Variants in MICAL1 observed in about 807,000 individuals in gnomAD.
The protein encoded by MICAL1 is [F-actin]-monooxygenase MICAL1.
In MICAL1, 95 loss-of-function variants were observed where a neutral mutation model predicts 131.8. That is an observed-to-expected ratio of 0.72 (90% CI 0.61 to 0.86). The LOEUF is 0.86. Among genes scored for constraint, MICAL1 ranks in the 40% least tolerant of loss-of-function variants. The pLI, the probability that MICAL1 is intolerant of heterozygous loss-of-function variation, is 0.00. For missense variants in MICAL1, 1,292 were observed against 1,380.6 expected (o/e 0.94, Z 1.02); for synonymous variants, 546 against 554.2 (o/e 0.99, Z 0.21).
chr6:109,454,556 C>T, intron 1 of MICAL1: 1 of 360,704 alleles, frequency 2.8e-6, no homozygotes, highest in Non-Finnish European at 5.2e-6. Context: ...AATTCTTAGC[C>T]TGCCTTCCTT....
At chr6:109,454,493 G>A (rs974246758) in intron 1 of MICAL1, among the ~76,000 whole-genome samples, 5 of 152,058 alleles carry the variant, frequency 3.3e-5, no homozygotes, top group African/African-American at 1.2e-4. Flanking sequence ...GGGACACCAG[G>A]GGAGCCTCCA....
chr6:109,454,354 GGCTCT>G, intron 1 of MICAL1, 115 bp from the exon 2 acceptor site: 4 of 1,019,930 alleles, frequency 3.9e-6, no homozygotes, highest in Non-Finnish European at 5.6e-6. Flanking sequence ...ACCAGTGATT[GGCTCT>G]GCTCCTCCCA....
At chr6:109,451,878 G>A in intron 6 of MICAL1, 178 bp from the exon 7 acceptor site, 1 of 1,406,540 alleles carries the variant, frequency 7.1e-7, no homozygotes, top group Non-Finnish European at 9.2e-7. Flanking sequence ...CCAGGCCCAG[G>A]AGGCCTGAGG....
At chr6:109,444,582 G>T in intron 24 of MICAL1, 143 bp downstream of exon 24, 1 of 1,082,766 alleles carries the variant, frequency 9.2e-7, no homozygotes, top group Non-Finnish European at 1.4e-6. Context: ...AAGGGGCTTT[G>T]GAGCCCCCTC....
Position 109,447,610 on chromosome 6 carries a change from T to C in MICAL1, c.1986+71A>G. On this transcript the variant is annotated intron_variant, in intron 15 of 24. Transcript: ENST00000358807. ...GGGGAACAAGACATGGGATGAGAAATAGGGAAGACAGTACCAGGAAAGGGG... is the reference window on the plus strand; with the variant it reads ...GGGGAACAAGACATGGGATGAGAAACAGGGAAGACAGTACCAGGAAAGGGG... 7 of 1,604,764 alleles carry C rather than the reference T, an allele frequency of 4.4e-6. No individual in the cohort carries two copies. In the South Asian group the frequency reaches 4.4e-5, roughly 10 times the overall value.
chr6:109,446,111 C>T, intron 19 of MICAL1, 25 bp downstream of exon 19: 2 of 1,438,280 alleles, frequency 1.4e-6, no homozygotes, highest in South Asian at 1.3e-5. Flanking sequence ...CACCCTGGGT[C>T]AGCACATCTG....
At chr6:109,450,189 C>T in intron 8 of MICAL1, 104 bp from the exon 9 acceptor site, 3 of 1,559,610 alleles carry the variant, frequency 1.9e-6, no homozygotes, top group Non-Finnish European at 2.6e-6. Flanking sequence ...ATCCCCACAC[C>T]AGGCAGCCCT....
At chr6:109,448,946 C>G in intron 11 of MICAL1, 67 bp from the exon 12 acceptor site, 1 of 1,587,666 alleles carries the variant, frequency 6.3e-7, no homozygotes. Context: ...GGGAGCCCAG[C>G]TGCTGCATGT....
upstream of MICAL1, among the ~76,000 whole-genome samples, chr6:109,458,537 G>A (rs1393782883): frequency 1.3e-5 from 2 of 152,066 alleles, no homozygotes; most frequent in Non-Finnish European, 2.9e-5. Flanking sequence ...TGGAGGTTGC[G>A]GTAAGCTGAG....
At chr6:109,456,043 C>G (rs2115343473), upstream of MICAL1, 1 of 986,108 alleles carries the variant, frequency 1.0e-6, no homozygotes, top group African/African-American at 1.7e-5. Flanking sequence ...ACACCCCGTT[C>G]CGCTCTGGGG....
In MICAL1 at chr6:109,450,470, C is replaced by T. The variant is rs1775493179; in HGVS notation, c.1021G>A (p.Ala341Thr). The change falls in exon 8 of 25, where the codon GCC becomes ACC. Residue 341 changes from alanine (A) to threonine (T), a missense_variant. Coordinates refer to ENST00000358807, the MANE Select transcript of MICAL1 (RefSeq NM_022765.4). ...QRFTRAAADF[A>T]THGKLGKLEF... Reference sequence around the variant, plus strand: ...AGTTTCCCGAGCTTGCCATGGGTGGCAAAGTCAGCAGCTGCCCGGGTAAAG... The same window carrying T: ...AGTTTCCCGAGCTTGCCATGGGTGGTAAAGTCAGCAGCTGCCCGGGTAAAG... 1 of 1,613,422 alleles carries T rather than the reference C, an allele frequency of 6.2e-7. No individual in the cohort carries two copies. Among genetic ancestry groups the T allele is most frequent in the African/African-American group, 1.3e-5 (1 of 75,048 alleles).
chr6:109,453,540 C>T (rs1327677711), intron 3 of MICAL1, 98 bp downstream of exon 3: 5 of 1,515,714 alleles, frequency 3.3e-6, no homozygotes, highest in Non-Finnish European at 4.4e-6. Flanking sequence ...TGATACGGAT[C>T]TTGTCCACTT....
At chr6:109,454,904 G>A (rs1775684828) in intron 1 of MICAL1, 1 of 152,574 alleles carries the variant, frequency 6.6e-6, no homozygotes, top group Admixed American at 6.5e-5. Context: ...GGGAACGGAG[G>A]CCTGGGTCTA....
intron 11 of MICAL1, 162 bp from the exon 12 acceptor site, chr6:109,449,041 C>A: frequency 2.2e-6 from 2 of 914,724 alleles, no homozygotes; most frequent in Non-Finnish European, 3.2e-6. Context: ...CTCTCCATCC[C>A]AATTCTCTTT....
rs201263593 is a variant in MICAL1 at position 109,452,218 on chromosome 6, G to A, written c.832+28C>T. ...GCCAGGCCACAGTCAGGCAGGGGGA[G>A]GGGAAATTCAGCAAGAGGGTCCCTG... is the stretch of plus-strand genomic sequence containing the variant. On this transcript the variant is annotated intron_variant, in intron 6 of 24. Coordinates refer to ENST00000358807, the MANE Select transcript of MICAL1 (RefSeq NM_022765.4). The A allele has an allele frequency of 8.9e-4, 1,412 of 1,595,240 alleles. 18 individuals are homozygous for A. The highest frequency in any genetic ancestry group is 1.8e-4 in the Non-Finnish European group (211 of 1,167,414).
intron 1 of MICAL1, chr6:109,465,633 TA>T: frequency 6.5e-7 from 1 of 1,542,002 alleles, no homozygotes; most frequent in Non-Finnish European, 8.7e-7. Flanking sequence ...AACCATTCAA[TA>T]ATATTGAAAT....
At position 109,447,680 on chromosome 6, in the gene MICAL1, C is replaced by A; in HGVS notation, c.1986+1G>T. On this transcript the variant is annotated splice_donor_variant, in intron 15 of 24. Transcript: ENST00000358807. LOFTEE classifies it high-confidence loss of function. ...ACCGACCCGCCCCTGCCTGCATTCACCTCCAAGCGCAGCTTCTTGCCACCA... is the reference window on the plus strand; with the variant it reads ...ACCGACCCGCCCCTGCCTGCATTCAACTCCAAGCGCAGCTTCTTGCCACCA... 6.2e-7 allele frequency: 1 copy of A among 1,614,026 alleles called. No homozygotes were observed.
intron 6 of MICAL1, chr6:109,451,961 G>A: frequency 1.4e-6 from 2 of 1,389,698 alleles, no homozygotes; most frequent in Non-Finnish European, 1.9e-6. Flanking sequence ...GCATGGCAGT[G>A]CAAAACCAAA....
chr6:109,449,595 G>A (rs922215616), intron 10 of MICAL1, 62 bp downstream of exon 10: 17 of 1,598,750 alleles, frequency 1.1e-5, no homozygotes, highest in Non-Finnish European at 1.2e-5. Context: ...TGGGCAGGGA[G>A]GGCCTGACCT....
Sources: allele counts gnomAD v4.1 joint callset (sites outside exome capture counted in the v4.1 genomes callset), GRCh38; gene constraint gnomAD v4.1.1; transcripts MANE v1.5; gene names NCBI Gene and HGNC (gene_info 2026-07-23, HGNC 2026-07-21).